PNLDC1: variants seen among roughly 807,000 people sequenced by gnomAD.
PNLDC1 encodes the protein PARN like ribonuclease domain containing exonuclease 1, also known as poly(A)-specific ribonuclease PNLDC1.
A neutral mutation model predicts 82.0 loss-of-function variants in PNLDC1; 70 were observed. The ratio of observed to expected loss-of-function variants is 0.85; its 90% CI spans 0.70 to 1.04. The LOEUF (loss-of-function observed/expected upper bound fraction) is 1.04. Among genes scored for constraint, PNLDC1 ranks in the 50% least tolerant of loss-of-function variants. The pLI is 0.00. For missense variants in PNLDC1, 631 were observed against 661.1 expected, an observed-to-expected ratio of 0.95 and a Z score of 0.50; for synonymous variants, 280 against 249.3, an observed-to-expected ratio of 1.12 and a Z score of -1.16.
At chr6:159,803,149 C>A in intron 3 of PNLDC1, 122 bp from the exon 4 acceptor site, 1 of 733,942 alleles carries the variant, frequency 1.4e-6, no homozygotes, top group South Asian at 1.9e-5. Flanking sequence ...AAGATGTTAT[C>A]CTGTTGTACA....
intron 11 of PNLDC1, 99 bp downstream of exon 11, chr6:159,811,885 TTTTGTTTTG>T: frequency 2.3e-6 from 1 of 427,394 alleles, no homozygotes; most frequent in Non-Finnish European, 3.3e-6. Flanking sequence ...TTTTTGTTTT[TTTTGTTTTG>T]TTTTGTTTTG....
rs370941138 is a variant in PNLDC1 at position 159,816,507 on chromosome 6, C to T, written c.1061-36C>T. Reference sequence around the variant, plus strand: ...GGATGGGGCGTGTTTCTAATGACTGCTCAATTCTCTGTCCTCCTGGTGGAA... The same window carrying T: ...GGATGGGGCGTGTTTCTAATGACTGTTCAATTCTCTGTCCTCCTGGTGGAA... On this transcript the variant is annotated intron_variant, in intron 13 of 18. Transcript: ENST00000392167. 6.0e-5 allele frequency: 96 copies of T among 1,606,472 alleles called. No homozygotes were observed. In the African/African-American group the frequency reaches 1.1e-3, roughly 19 times the overall value.
chr6:159,800,016 A>G (rs866911808), upstream of PNLDC1, among the ~76,000 whole-genome samples: 1 of 152,184 alleles, frequency 6.6e-6, no homozygotes, highest in Non-Finnish European at 1.5e-5. Flanking sequence ...TTCTAAGTCC[A>G]TGTAAATGAC....
intron 12 of PNLDC1, among the ~76,000 whole-genome samples, chr6:159,814,909 T>C (rs1037214220): frequency 6.6e-6 from 1 of 152,304 alleles, no homozygotes; most frequent in Admixed American, 6.5e-5. Flanking sequence ...TTAGCTGCTG[T>C]TGACAACTAT....
At position 159,803,290 on chromosome 6, in the gene PNLDC1, T is replaced by C; in HGVS notation, c.228T>C (p.Ala76=). Residue 76 remains alanine, a synonymous_variant, in exon 4 of 19, where the codon GCT becomes GCC. Coordinates refer to ENST00000392167, the MANE Select transcript of PNLDC1 (RefSeq NM_001271862.2). ...TTCCAGGATTGTCTGTGTTTTCCGC[T>C]ATTGAAGGAGAGGCAAACAAGTATG... ...VCQIGLSVFS[A]IEGEANKYIA... The C allele has an allele frequency of 3.1e-6, 5 of 1,614,100 alleles. No homozygotes were observed. The highest frequency in any genetic ancestry group is 4.2e-6 in the Non-Finnish European group (5 of 1,179,982).
intron 14 of PNLDC1, among the ~76,000 whole-genome samples, chr6:159,816,826 G>C (rs1211807484): frequency 6.6e-6 from 1 of 151,890 alleles, no homozygotes; most frequent in East Asian, 1.9e-4. Flanking sequence ...CACCACACCT[G>C]GCTAATTTTT....
chr6:159,800,658 GCTT>G (rs35229038), intron 1 of PNLDC1, 111 bp from the exon 2 acceptor site: 735,382 of 1,610,632 alleles, frequency 0.46, 172,492 homozygotes, highest in Admixed American at 0.56. Context: ...ACCTCACTTG[GCTT>G]CTTGAGCGCA....
rs1406057980 is a variant in PNLDC1 at position 159,818,975 on chromosome 6, C to A, written c.1287C>A (p.Ile429=). The A allele has an allele frequency of 1.2e-6, 2 of 1,613,910 alleles. No homozygotes were observed. Among genetic ancestry groups the A allele is most frequent in the East Asian group, 4.5e-5 (2 of 44,892 alleles). Residue 429 remains isoleucine, a synonymous_variant, in exon 17 of 19, where the codon ATC becomes ATA. Transcript: ENST00000392167. ...INFSGPDYPS[I]RPPILILSVK... ...TTTCTGGTCCAGATTATCCCAGTAT[C>A]CGACCTCCCATCCTCATCCTCAGCG...
Position 159,819,145 on chromosome 6 carries a change from C to A in PNLDC1, c.1433+24C>A, listed in dbSNP as rs756831978. 1 of 1,611,960 alleles carries A rather than the reference C, an allele frequency of 6.2e-7. No homozygotes were observed. Among genetic ancestry groups the A allele is most frequent in the Non-Finnish European group, 8.5e-7 (1 of 1,178,550 alleles). On this transcript the variant is annotated intron_variant, in intron 17 of 18. Transcript: ENST00000392167. This position sits in a 1 kb window ranked among gnomAD's most constrained non-coding sequence, Gnocchi z 4.6. Reference sequence around the variant, plus strand: ...GAGTAGGTGCCTCTAAGTCCGCGTCCCCCACCCCTCGTGCGTTCATCCCTG... The same window carrying A: ...GAGTAGGTGCCTCTAAGTCCGCGTCACCCACCCCTCGTGCGTTCATCCCTG...
At chr6:159,806,377 T>C (rs1781446527) in intron 7 of PNLDC1, among the ~76,000 whole-genome samples, 1 of 152,230 alleles carries the variant, frequency 6.6e-6, no homozygotes, top group Admixed American at 6.5e-5. Flanking sequence ...ATCTTGACTT[T>C]TGTTAATCAC....
intron 6 of PNLDC1, among the ~76,000 whole-genome samples, chr6:159,805,443 CTT>C (rs953356073): frequency 2.0e-4 from 31 of 152,142 alleles, no homozygotes; most frequent in African/African-American, 5.5e-4. Context: ...ATTTTTGTCT[CTT>C]TGTATTTTTC....
At chr6:159,818,285 G>A (rs1781904730) in intron 15 of PNLDC1, among the ~76,000 whole-genome samples, 1 of 152,308 alleles carries the variant, frequency 6.6e-6, no homozygotes, top group South Asian at 2.1e-4. Context: ...TGAGCCTATT[G>A]CTGTTTGTCA....
chr6:159,808,529 T>TAAA (rs751817467), intron 7 of PNLDC1, among the ~76,000 whole-genome samples: 1,828 of 127,308 alleles, frequency 0.014, 33 homozygotes, highest in Middle Eastern at 0.053. Flanking sequence ...GGCCCTGAGA[T>TAAA]AAAAAAAAAA....
chr6:159,816,438 C>T, intron 13 of PNLDC1, 105 bp from the exon 14 acceptor site: 1 of 1,010,604 alleles, frequency 9.9e-7, no homozygotes, highest in Non-Finnish European at 1.6e-6. Context: ...TATGCAGGAC[C>T]ATGGGAGGTT....
At position 159,813,667 on chromosome 6, in the gene PNLDC1, CG is replaced by C; in HGVS notation, c.995+12del. The C allele has an allele frequency of 6.2e-7, 1 of 1,612,928 alleles. No individual in the cohort carries two copies. The highest frequency in any genetic ancestry group is 8.5e-7 in the Non-Finnish European group (1 of 1,178,912). On this transcript the variant is annotated intron_variant, in intron 12 of 18. Transcript: ENST00000392167. ...TGAAGTCCTGAACAGGTGAGGACGG[CG>C]ATTCCTGGAGCTACTGCTGGAGCGG...
Position 159,819,479 on chromosome 6 carries a change from G to A in PNLDC1, c.1532+127G>A, listed in dbSNP as rs1237886917. The stretch of plus-strand genomic sequence containing the variant: ...TGTGTGTTGCCAAGGGGGTTGTGTT[G>A]ACGAGTGTGGTGCCCTGAATGTCCT... On this transcript the variant is annotated intron_variant, in intron 18 of 18. Transcript: ENST00000392167. This position sits in a 1 kb window ranked among gnomAD's most constrained non-coding sequence, Gnocchi z 4.6. The A allele has an allele frequency of 1.3e-6, 1 of 785,376 alleles. No homozygotes were observed. The highest frequency in any genetic ancestry group is 2.5e-5 in the Admixed American group (1 of 40,750). 48.7% of individuals were successfully genotyped at this position (785,376 alleles called of 1,614,324 possible).
chr6:159,817,082 T>C, intron 14 of PNLDC1, 27 bp from the exon 15 acceptor site: 1 of 1,601,402 alleles, frequency 6.2e-7, no homozygotes, highest in South Asian at 1.1e-5. Context: ...TAAGCTCTAT[T>C]GCATTTCTGT....
Position 159,819,014 on chromosome 6 carries a change from T to TA in PNLDC1, c.1326_1327insA (p.Gly443ArgfsTer10). 1 of 1,614,026 alleles carries TA rather than the reference T, an allele frequency of 6.2e-7. No individual in the cohort carries two copies. Among genetic ancestry groups the TA allele is most frequent in the Non-Finnish European group, 8.5e-7 (1 of 1,180,018 alleles). On this transcript the variant is annotated frameshift_variant, in exon 17 of 19. Coordinates refer to ENST00000392167, the MANE Select transcript of PNLDC1 (RefSeq NM_001271862.2). LOFTEE classifies it high-confidence loss of function. This position sits in a 1 kb window ranked among gnomAD's most constrained non-coding sequence, Gnocchi z 4.6. ...TCATCCTCAGCGTCAAAAGGTGGCC[T>TA]GGGGTCAGCGAGCAGCAAGTCTACC... is the stretch of plus-strand genomic sequence containing the variant.
intron 5 of PNLDC1, 114 bp from the exon 6 acceptor site, chr6:159,804,435 T>TG: frequency 1.4e-6 from 1 of 733,726 alleles, no homozygotes. Context: ...CTAGACGAAC[T>TG]GGCTTATACA....
Sources: gnomAD v4.1 joint callset for allele counts (sites outside exome capture counted in the v4.1 genomes callset) on GRCh38, gnomAD v4.1.1 for gene constraint, Gnocchi (gnomAD v3.1) non-coding constraint, MANE v1.5 for transcripts, NCBI Gene and HGNC (gene_info 2026-07-23, HGNC 2026-07-21) for gene names.